Variants in NRF1 observed in about 807,000 individuals in gnomAD.
NRF1 encodes nuclear respiratory factor 1, also known as alpha palindromic-binding protein.
Under a neutral mutation model 58.5 loss-of-function variants are expected in NRF1, and 5 were observed. The ratio of observed to expected loss-of-function variants is 0.09; its 90% confidence interval spans 0.04 to 0.18. The LOEUF is 0.18. Among genes scored for constraint, NRF1 ranks in the 10% least tolerant of loss-of-function variants. The probability of loss-of-function intolerance (pLI) is 1.00; values close to 1 mark genes in which losing one functional copy is unlikely to be tolerated. For synonymous variants in NRF1, 224 were observed against 246.7 expected (o/e 0.91, Z 0.86); for missense variants, 288 against 657.7 (o/e 0.44, Z 6.15).
Position 129,621,325 on chromosome 7 carries a change from C to A in NRF1, c.-7+9501C>A, listed in dbSNP as rs1562950885. 3.3e-5 allele frequency among the ~76,000 whole-genome samples: 5 copies of A among 152,048 alleles called. No homozygotes were observed. The South Asian group carries it at 1.0e-3, about 32-fold the overall frequency. ...AACTTTTATTTATTTTACCAGTAGT[C>A]TTGGTAAATACAAGAATGATATGAA... is the stretch of plus-strand genomic sequence containing the variant. On this transcript the variant is annotated intron_variant, in intron 1 of 10. Transcript: ENST00000393232.
intron 5 of NRF1, among the ~76,000 whole-genome samples, chr7:129,703,985 C>G (rs1359631983): frequency 6.6e-6 from 1 of 152,030 alleles, no homozygotes; most frequent in Non-Finnish European, 1.5e-5. Flanking sequence ...TTCTGTCTTT[C>G]CTCTAATTAT....
At chr7:129,620,388 CTT>C (rs10714338) in intron 1 of NRF1, among the ~76,000 whole-genome samples, 114 of 132,504 alleles carry the variant, frequency 8.6e-4, no homozygotes, top group East Asian at 1.8e-3. Flanking sequence ...AATCAAATCA[CTT>C]TTTTTTTTTT....
At chr7:129,683,492 G>A (rs958775793) in intron 4 of NRF1, among the ~76,000 whole-genome samples, 1 of 151,506 alleles carries the variant, frequency 6.6e-6, no homozygotes, top group Non-Finnish European at 1.5e-5. Flanking sequence ...ACCATGCCCG[G>A]CTATTTTTTA....
At chr7:129,678,351 G>C (rs994855035) in intron 4 of NRF1, among the ~76,000 whole-genome samples, 2 of 152,116 alleles carry the variant, frequency 1.3e-5, no homozygotes, top group African/African-American at 4.8e-5. Context: ...ATCATTAGTA[G>C]ATTAATGATC....
At chr7:129,751,614 A>T (rs992149017) in intron 10 of NRF1, among the ~76,000 whole-genome samples, 1 of 152,250 alleles carries the variant, frequency 6.6e-6, no homozygotes, top group Non-Finnish European at 1.5e-5. Context: ...GGTTGCTCAC[A>T]GTTAGTTAGA....
intron 1 of NRF1, among the ~76,000 whole-genome samples, chr7:129,636,895 A>G (rs1052516360): frequency 3.3e-5 from 5 of 152,180 alleles, no homozygotes; most frequent in African/African-American, 1.2e-4. Flanking sequence ...TCTTTTTGAC[A>G]GTTATTGGAG....
intron 1 of NRF1, among the ~76,000 whole-genome samples, chr7:129,617,384 C>A (rs1244962350): frequency 1.3e-5 from 2 of 152,162 alleles, no homozygotes; most frequent in African/African-American, 4.8e-5. Flanking sequence ...CCCAATGAAA[C>A]ATTGCTTAAA....
chr7:129,710,032 G>T (rs551051471), intron 6 of NRF1, among the ~76,000 whole-genome samples: 1 of 151,938 alleles, frequency 6.6e-6, no homozygotes, highest in African/African-American at 2.4e-5. Flanking sequence ...GCCTGGCCAC[G>T]TATTTATTTT....
chr7:129,694,098 T>G (rs1802631512), intron 5 of NRF1, among the ~76,000 whole-genome samples: 1 of 152,214 alleles, frequency 6.6e-6, no homozygotes, highest in Admixed American at 6.5e-5. Context: ...ATAGATACTT[T>G]GTTGGAGGTG....
chr7:129,711,215 G>A (rs1204395725), intron 7 of NRF1, among the ~76,000 whole-genome samples: 2 of 152,178 alleles, frequency 1.3e-5, no homozygotes, highest in Non-Finnish European at 2.9e-5. Flanking sequence ...AGAATAGAAA[G>A]TTGGTTGACC....
chr7:129,632,199 A>T (rs1801064642), intron 1 of NRF1, among the ~76,000 whole-genome samples: 1 of 152,124 alleles, frequency 6.6e-6, no homozygotes, highest in Non-Finnish European at 1.5e-5. Flanking sequence ...GCTTGAGCCT[A>T]GGAGTTTGAG....
At chr7:129,731,266 G>A (rs541612605) in intron 10 of NRF1, among the ~76,000 whole-genome samples, 7 of 120,276 alleles carry the variant, frequency 5.8e-5, no homozygotes, top group East Asian at 5.2e-4. Flanking sequence ...GCAAGACTCC[G>A]TCTTGAAAAA....
rs780109640 is a variant in NRF1, at chr7:129,659,073, C to CTTTTTTTTT, written c.223+1514_223+1522dup. ...CAACTGTATTTTAAACACCACAGGACTTTTTTTTTTTTTTTTTTTTTTTGA... is the reference window on the plus strand; with the variant it reads ...CAACTGTATTTTAAACACCACAGGACTTTTTTTTTTTTTTTTTTTTTTTTTTTTTTTTGA... On this transcript the variant is annotated intron_variant, in intron 2 of 10. Transcript: ENST00000393232. Among the ~76,000 whole-genome samples, 25 of 88,160 alleles carry CTTTTTTTTT rather than the reference C, an allele frequency of 2.8e-4. 2 individuals are homozygous for CTTTTTTTTT. Among genetic ancestry groups the CTTTTTTTTT allele is most frequent in the East Asian group, 1.3e-3 (3 of 2,358 alleles). 57.8% of individuals were successfully genotyped at this position (88,160 alleles called of 152,430 possible).
At position 129,752,147 on chromosome 7, in the gene NRF1, A is replaced by G. The variant is rs904807797; in HGVS notation, c.1349-2871A>G. On this transcript the variant is annotated intron_variant, in intron 10 of 10. Coordinates refer to ENST00000393232, the MANE Select transcript of NRF1 (RefSeq NM_005011.5). ...GAAGGCCTGTTGCAGACATGCATCAACTGGCCCAGCTGGCTTATCCATGGC... is the reference window on the plus strand; with the variant it reads ...GAAGGCCTGTTGCAGACATGCATCAGCTGGCCCAGCTGGCTTATCCATGGC... Among the ~76,000 whole-genome samples the G allele has an allele frequency of 1.4e-4, 21 of 152,342 alleles. 1 individual carries two copies. Among genetic ancestry groups the G allele is most frequent in the South Asian group, 6.2e-4 (3 of 4,820 alleles).
At chr7:129,651,118 G>C (rs1337091096) in intron 1 of NRF1, among the ~76,000 whole-genome samples, 1 of 152,096 alleles carries the variant, frequency 6.6e-6, no homozygotes, top group Admixed American at 6.6e-5. Flanking sequence ...CACAGGGTGT[G>C]CTGAATAAAA....
At chr7:129,708,945 C>T in intron 5 of NRF1, 130 bp from the exon 6 acceptor site, 1 of 698,238 alleles carries the variant, frequency 1.4e-6, no homozygotes, top group Non-Finnish European at 2.1e-6. Flanking sequence ...GGGTTTTCAT[C>T]AGTCACATCT....
intron 1 of NRF1, among the ~76,000 whole-genome samples, chr7:129,637,705 ATT>A (rs908287040): frequency 3.3e-5 from 5 of 152,076 alleles, no homozygotes; most frequent in African/African-American, 1.2e-4. Flanking sequence ...CATTTTATGG[ATT>A]TTTTTGTGTG....
At position 129,698,692 on chromosome 7, in the gene NRF1, G is replaced by A. The variant is rs536313856; in HGVS notation, c.606+8146G>A. On this transcript the variant is annotated intron_variant, in intron 5 of 10. Transcript: ENST00000393232. ...GTGTGCAGCAGTCACCTGAGAAGTGGTGTTCAAATGCAGATTAGGAATCAG... is the reference window on the plus strand; with the variant it reads ...GTGTGCAGCAGTCACCTGAGAAGTGATGTTCAAATGCAGATTAGGAATCAG... Among the ~76,000 whole-genome samples, 25 of 152,324 alleles carry A rather than the reference G, an allele frequency of 1.6e-4. No homozygotes were observed. In the South Asian group the frequency reaches 5.0e-3, roughly 30 times the overall value.
At chr7:129,625,011 A>G (rs968378526) in intron 1 of NRF1, among the ~76,000 whole-genome samples, 2 of 152,138 alleles carry the variant, frequency 1.3e-5, no homozygotes, top group Non-Finnish European at 2.9e-5. Flanking sequence ...CAAGAAACAG[A>G]AATGTATTCT....
Sources: allele counts gnomAD v4.1 joint callset (sites outside exome capture counted in the v4.1 genomes callset), GRCh38; gene constraint gnomAD v4.1.1; transcripts MANE v1.5; gene names NCBI Gene and HGNC (gene_info 2026-07-23, HGNC 2026-07-21).